The following MARCHF4 variants were observed in gnomAD, a reference collection of about 807,000 sequenced individuals.
The protein encoded by MARCHF4 is membrane associated ring-CH-type finger 4, also known as E3 ubiquitin-protein ligase MARCHF4.
A neutral mutation model predicts 43.9 loss-of-function variants in MARCHF4; 14 were observed. The ratio of observed to expected loss-of-function variants is 0.32; its 90% confidence interval spans 0.21 to 0.50. The LOEUF (loss-of-function observed/expected upper bound fraction) is 0.50. Among genes scored for constraint, MARCHF4 ranks in the 20% least tolerant of loss-of-function variants. The probability of loss-of-function intolerance (pLI) is 0.98; values close to 1 mark genes in which losing one functional copy is unlikely to be tolerated. For synonymous variants in MARCHF4, 226 were observed against 213.3 expected (o/e 1.06, Z -0.52); for missense variants, 468 against 536.7 (o/e 0.87, Z 1.27).
chr2:216,298,266 T>TTG (rs1691429708), intron 1 of MARCHF4, among the ~76,000 whole-genome samples: 2 of 140,386 alleles, frequency 1.4e-5, no homozygotes, highest in African/African-American at 5.3e-5. Flanking sequence ...GTTTTTTTTT[T>TTG]TTTTTTTTTT....
intron 1 of MARCHF4, among the ~76,000 whole-genome samples, chr2:216,354,949 T>C (rs1692470493): frequency 6.9e-6 from 1 of 144,906 alleles, no homozygotes; most frequent in African/African-American, 2.6e-5. Flanking sequence ...CTTTCTTTCT[T>C]TCTTTCTTTC....
At chr2:216,298,573 G>A (rs145749348) in intron 1 of MARCHF4, among the ~76,000 whole-genome samples, 2 of 152,082 alleles carry the variant, frequency 1.3e-5, no homozygotes, top group Admixed American at 6.6e-5. Flanking sequence ...GCCTCTGTTA[G>A]GTTTTTAAGG....
At chr2:216,296,888 A>G (rs1315981162) in intron 1 of MARCHF4, among the ~76,000 whole-genome samples, 2 of 152,186 alleles carry the variant, frequency 1.3e-5, no homozygotes, top group Non-Finnish European at 2.9e-5. Context: ...ATTGAAGACC[A>G]AACCCTACTC....
intron 1 of MARCHF4, among the ~76,000 whole-genome samples, chr2:216,361,132 G>A (rs1361328295): frequency 1.3e-5 from 2 of 152,188 alleles, no homozygotes; most frequent in East Asian, 3.9e-4. Context: ...AACAAGGTGA[G>A]AAATTCTAGC....
At chr2:216,325,080 C>A (rs1028125236) in intron 1 of MARCHF4, among the ~76,000 whole-genome samples, 1 of 152,078 alleles carries the variant, frequency 6.6e-6, no homozygotes, top group African/African-American at 2.4e-5. Flanking sequence ...TGTCTCAGCC[C>A]AAAATCTTCT....
At chr2:216,312,158 C>A (rs1016424600) in intron 1 of MARCHF4, among the ~76,000 whole-genome samples, 2 of 152,170 alleles carry the variant, frequency 1.3e-5, no homozygotes, top group African/African-American at 4.8e-5. Flanking sequence ...ATTATTTCCA[C>A]CTTTATGTCC....
intron 1 of MARCHF4, among the ~76,000 whole-genome samples, chr2:216,304,365 T>G (rs948986094): frequency 1.3e-5 from 2 of 152,252 alleles, no homozygotes; most frequent in East Asian, 3.9e-4. Flanking sequence ...AATTATGACT[T>G]CACAGGATAT....
chr2:216,371,920 C>T lies in MARCHF4; in HGVS notation c.-1660G>A, dbSNP rs1293371802. ...CCTCCTCTCCACCGCCTCTGGCTGG[C>T]TAGGCTCGCTGTTGCTACCTCTCCT... is the stretch of plus-strand genomic sequence containing the variant. On this transcript the variant is annotated 5_prime_UTR_variant, in exon 1 of 4. Transcript: ENST00000273067. 1 of 143,790 alleles carries T rather than the reference C, an allele frequency of 7.0e-6. No individual in the cohort carries two copies. Among genetic ancestry groups the T allele is most frequent in the Admixed American group, 6.8e-5 (1 of 14,652 alleles). The allele number at this position is 143,790 out of a possible 1,614,324, so 8.9% of individuals were successfully genotyped here. A position where few individuals can be genotyped will look rare whatever the true frequency, so the allele number is the denominator to read the frequency against.
chr2:216,264,812 G>C (rs1690819149), intron 3 of MARCHF4, among the ~76,000 whole-genome samples: 1 of 152,200 alleles, frequency 6.6e-6, no homozygotes. Context: ...CTAGTGTTCA[G>C]GAAGTAGTTA....
intron 2 of MARCHF4, among the ~76,000 whole-genome samples, chr2:216,278,992 A>T (rs1168760380): frequency 6.6e-6 from 1 of 152,238 alleles, no homozygotes; most frequent in Non-Finnish European, 1.5e-5. Context: ...GGTGTTGGCA[A>T]TGAAGCCCTA....
intron 3 of MARCHF4, among the ~76,000 whole-genome samples, chr2:216,275,206 A>AGT (rs1691000414): frequency 6.6e-6 from 1 of 152,256 alleles, no homozygotes; most frequent in South Asian, 2.1e-4. Context: ...GAGAGATAGA[A>AGT]GTGTGCCAGG....
intron 1 of MARCHF4, among the ~76,000 whole-genome samples, chr2:216,319,069 G>A (rs1040122720): frequency 5.3e-5 from 8 of 152,198 alleles, no homozygotes; most frequent in Admixed American, 3.9e-4. Flanking sequence ...GCACTTTGCG[G>A]GGCTGAGGCA....
chr2:216,357,500 T>C (rs1053363560), intron 1 of MARCHF4, among the ~76,000 whole-genome samples: 71 of 152,340 alleles, frequency 4.7e-4, no homozygotes, highest in Non-Finnish European at 5.4e-4. Context: ...TTTAAATTTT[T>C]TGTAGAAACA....
chr2:216,365,295 C>T (rs1398417896), intron 1 of MARCHF4, among the ~76,000 whole-genome samples: 2 of 152,322 alleles, frequency 1.3e-5, no homozygotes, highest in South Asian at 4.1e-4. Context: ...GGAAGCCAAC[C>T]CCAGAAAGAA....
In MARCHF4 at chr2:216,369,936, G is replaced by A. The variant is rs1216010042; in HGVS notation, c.325C>T (p.Pro109Ser). The A allele has an allele frequency of 6.2e-7, 1 of 1,605,774 alleles. No homozygotes were observed. The highest frequency in any genetic ancestry group is 8.5e-7 in the Non-Finnish European group (1 of 1,175,620). Residue 109 changes from proline to serine, a missense_variant, in exon 1 of 4, where the codon CCC becomes TCC. Around this residue, in one of 3 missense-constraint regions of MARCHF4, gnomAD observed 190 missense variants for 158.5 expected, o/e 1.20. Transcript: ENST00000273067. ...TCTTCCACAGAAGAAGGTGGCAAGGGGGGTGGAGGTGGCACAGGAGGGGGC... is the reference window on the plus strand; with the variant it reads ...TCTTCCACAGAAGAAGGTGGCAAGGAGGGTGGAGGTGGCACAGGAGGGGGC... ...REPPPVPPPP[P>S]LPPSSVEDDW...
chr2:216,340,864 C>T (rs926887774), intron 1 of MARCHF4, among the ~76,000 whole-genome samples: 4 of 152,182 alleles, frequency 2.6e-5, no homozygotes, highest in South Asian at 4.1e-4. Flanking sequence ...CCAGTCTACT[C>T]AGTGATATGA....
At chr2:216,323,794 T>A (rs921045922) in intron 1 of MARCHF4, among the ~76,000 whole-genome samples, 5 of 151,594 alleles carry the variant, frequency 3.3e-5, no homozygotes, top group Admixed American at 2.6e-4. Context: ...TACCAGAAAC[T>A]CTGGGACGCA....
chr2:216,269,387 C>A (rs1690897248), intron 3 of MARCHF4, among the ~76,000 whole-genome samples: 1 of 152,124 alleles, frequency 6.6e-6, no homozygotes, highest in Non-Finnish European at 1.5e-5. Flanking sequence ...TTAGAGATGA[C>A]AGAAGAGGAG....
At chr2:216,285,263 C>G (rs1691200620) in intron 1 of MARCHF4, among the ~76,000 whole-genome samples, 1 of 152,232 alleles carries the variant, frequency 6.6e-6, no homozygotes, top group African/African-American at 2.4e-5. Context: ...GAACAAACAT[C>G]TTGCTCAGTG....
Sources: allele counts gnomAD v4.1 joint callset (sites outside exome capture counted in the v4.1 genomes callset), GRCh38; gene constraint gnomAD v4.1.1; regional missense constraint gnomAD v4.1.1; transcripts MANE v1.5; gene names NCBI Gene and HGNC (gene_info 2026-07-23, HGNC 2026-07-21).